Variants in HERC4 observed in about 807,000 individuals in gnomAD.
HERC4 encodes HECT and RLD domain containing E3 ubiquitin protein ligase 4, also known as probable E3 ubiquitin-protein ligase HERC4.
HERC4 carries 28 observed loss-of-function variants against 124.3 expected under a neutral mutation model. That is an observed-to-expected ratio of 0.23 (90% CI 0.17 to 0.31). HERC4 has a LOEUF of 0.31. Among genes scored for constraint, HERC4 ranks in the 10% least tolerant of loss-of-function variants. The pLI, the probability that HERC4 is intolerant of heterozygous loss-of-function variation, is 1.00. For synonymous variants in HERC4, 407 were observed against 421.5 expected (o/e 0.97, Z 0.42); for missense variants, 713 against 1,229.3 (o/e 0.58, Z 6.28).
intron 3 of HERC4, among the ~76,000 whole-genome samples, chr10:68,051,154 C>T (rs2040279534): frequency 7.0e-6 from 1 of 142,524 alleles, no homozygotes; most frequent in Non-Finnish European, 1.5e-5. Context: ...ATTAAAAAAA[C>T]TATTGAATCC....
chr10:68,057,574 A>C (rs1208056599), intron 3 of HERC4, among the ~76,000 whole-genome samples: 1 of 151,392 alleles, frequency 6.6e-6, no homozygotes, highest in Non-Finnish European at 1.5e-5. Context: ...AAGTGAGCCG[A>C]GATCACGCCA....
chr10:68,070,327 C>A (rs2041508138), intron 3 of HERC4: 2 of 951,372 alleles, frequency 2.1e-6, no homozygotes, highest in East Asian at 1.2e-4. Flanking sequence ...ACATCTTAGG[C>A]CAGGAGCAGT....
At chr10:68,054,890 G>C (rs2040477256) in intron 3 of HERC4, among the ~76,000 whole-genome samples, 1 of 151,962 alleles carries the variant, frequency 6.6e-6, no homozygotes, top group African/African-American at 2.4e-5. Context: ...TGCAACTATT[G>C]TTTACTAATA....
intron 15 of HERC4, among the ~76,000 whole-genome samples, chr10:67,981,735 A>G (rs543949138): frequency 6.6e-6 from 1 of 152,304 alleles, no homozygotes; most frequent in Admixed American, 6.5e-5. Context: ...AGGCGGGTGG[A>G]TTACTTGAGG....
chr10:68,058,544 T>C (rs534639571), intron 3 of HERC4, among the ~76,000 whole-genome samples: 3 of 152,320 alleles, frequency 2.0e-5, no homozygotes, highest in South Asian at 2.1e-4. Flanking sequence ...CAAACACTTA[T>C]TGAATACTCA....
At chr10:67,966,475 T>C (rs1019172755) in intron 16 of HERC4, 3 of 436,454 alleles carry the variant, frequency 6.9e-6, no homozygotes, top group African/African-American at 6.3e-5. Flanking sequence ...ATCCATTTCT[T>C]TGGTTTGGCT....
At chr10:67,972,769 T>C (rs1345783609) in intron 15 of HERC4, among the ~76,000 whole-genome samples, 1 of 151,806 alleles carries the variant, frequency 6.6e-6, no homozygotes, top group African/African-American at 2.4e-5. Context: ...GAAAGGAGAG[T>C]AGCAAGACTC....
At chr10:67,996,210 TG>T in intron 9 of HERC4, 1 of 411,096 alleles carries the variant, frequency 2.4e-6, no homozygotes. Context: ...AGGTCGAGGG[TG>T]GAGTGAGCTG....
At position 67,991,002 on chromosome 10, in the gene HERC4, A is replaced by AGCT; in HGVS notation, c.1344_1345insAGC (p.His448_Tyr449insSer). 1 of 1,518,576 alleles carries AGCT rather than the reference A, an allele frequency of 6.6e-7. No individual in the cohort carries two copies. The allele number at this position is 1,518,576 out of a possible 1,614,324, so 94.1% of individuals were successfully genotyped here. ...CCTGAAAATCTGGTACCTGTTCTAT[A>AGCT]GTGATCATCATTGCTAAAAAACAGA... On this transcript the variant is annotated inframe_insertion, in exon 13 of 25. Coordinates refer to ENST00000373700, the MANE Select transcript of HERC4 (RefSeq NM_015601.4).
intron 3 of HERC4, among the ~76,000 whole-genome samples, chr10:68,049,853 G>C (rs545728134): frequency 6.6e-6 from 1 of 152,216 alleles, no homozygotes; most frequent in East Asian, 1.9e-4. Context: ...CAGGGCTACA[G>C]TGAGCCGTGA....
At chr10:67,982,245 T>C (rs1344618411) in intron 15 of HERC4, among the ~76,000 whole-genome samples, 1 of 152,118 alleles carries the variant, frequency 6.6e-6, no homozygotes, top group Non-Finnish European at 1.5e-5. Flanking sequence ...CAAAAGAGCA[T>C]GGTACTGGCA....
intron 3 of HERC4, among the ~76,000 whole-genome samples, chr10:68,072,146 A>G (rs888831169): frequency 7.2e-5 from 11 of 152,218 alleles, no homozygotes; most frequent in Non-Finnish European, 1.3e-4. Flanking sequence ...TTTAGTTATC[A>G]TAATTGAAAG....
intron 9 of HERC4, among the ~76,000 whole-genome samples, chr10:67,999,608 G>A (rs1337018026): frequency 6.6e-6 from 1 of 152,150 alleles, no homozygotes; most frequent in Non-Finnish European, 1.5e-5. Flanking sequence ...TTTTTGTTAG[G>A]TGAGAAACAG....
chr10:67,959,322 G>C (rs1453257931), intron 16 of HERC4, among the ~76,000 whole-genome samples: 1 of 152,066 alleles, frequency 6.6e-6, no homozygotes, highest in African/African-American at 2.4e-5. Context: ...ATCTACTAAT[G>C]TAAGATCTTT....
At chr10:67,976,482 C>T (rs571970578) in intron 15 of HERC4, among the ~76,000 whole-genome samples, 48 of 152,124 alleles carry the variant, frequency 3.2e-4, no homozygotes, top group Non-Finnish European at 6.3e-4. Context: ...TAAAAGCAAA[C>T]AGGTGGAAGA....
At chr10:68,032,156 C>T (rs2039241572) in intron 7 of HERC4, among the ~76,000 whole-genome samples, 2 of 152,182 alleles carry the variant, frequency 1.3e-5, no homozygotes, top group African/African-American at 4.8e-5. Context: ...ATTAACATGA[C>T]TGCAATAAAT....
chr10:67,947,972 A>G (rs1265915346), intron 19 of HERC4, among the ~76,000 whole-genome samples: 1 of 151,314 alleles, frequency 6.6e-6, no homozygotes, highest in Non-Finnish European at 1.5e-5. Context: ...TACAGGCATG[A>G]GCCACCATGC....
intron 8 of HERC4, among the ~76,000 whole-genome samples, chr10:68,023,846 T>C (rs1415955373): frequency 6.6e-6 from 1 of 152,178 alleles, no homozygotes; most frequent in East Asian, 1.9e-4. Flanking sequence ...CAGACCTCCA[T>C]GTAAAAGGCA....
chr10:68,038,094 T>C lies in HERC4; in HGVS notation c.462A>G (p.Lys154=), dbSNP rs759639793. ...AATAAAATAAAAACTAATGCTTACC[T>C]TTAGAAAGTGCAAGTGAATGATAGT... is the stretch of plus-strand genomic sequence containing the variant. ...CGYYHSLALS[K]ASEVFCWGQN... is the part of the protein sequence containing the mutation. The change falls in exon 5 of 25, where the codon AAA becomes AAG. Residue 154 remains lysine, a splice_region_variant and synonymous_variant. Coordinates refer to ENST00000373700, the MANE Select transcript of HERC4 (RefSeq NM_015601.4). 2.7e-6 allele frequency: 4 copies of C among 1,477,936 alleles called. No individual in the cohort carries two copies. The African/African-American group carries it at 5.8e-5, about 22-fold the overall frequency. The allele number at this position is 1,477,936 out of a possible 1,614,324, so 91.6% of individuals were successfully genotyped here.
Sources: allele counts gnomAD v4.1 joint callset (sites outside exome capture counted in the v4.1 genomes callset), GRCh38; gene constraint gnomAD v4.1.1; transcripts MANE v1.5; gene names NCBI Gene and HGNC (gene_info 2026-07-23, HGNC 2026-07-21).